CATSPERE: variants seen among roughly 807,000 people sequenced by gnomAD.
The protein encoded by CATSPERE is cation channel sperm-associated auxiliary subunit epsilon.
Under a neutral mutation model 114.1 loss-of-function variants are expected in CATSPERE, and 93 were observed. The observed-to-expected ratio is 0.81, with a 90% confidence interval of 0.69 to 0.97. The LOEUF (loss-of-function observed/expected upper bound fraction) is 0.97, where lower values mean the gene tolerates loss of function less well. Among genes scored for constraint, CATSPERE ranks in the 50% least tolerant of loss-of-function variants. The pLI, the probability that CATSPERE is intolerant of heterozygous loss-of-function variation, is 0.00. For missense variants in CATSPERE, 1,058 were observed against 1,131.6 expected (o/e 0.93, Z 0.93); for synonymous variants, 341 against 384.1 (o/e 0.89, Z 1.31).
chr1:244,567,466 A>G (rs1207610380), intron 10 of CATSPERE, among the ~76,000 whole-genome samples: 4 of 152,230 alleles, frequency 2.6e-5, no homozygotes, highest in African/African-American at 9.6e-5. Flanking sequence ...CATTCTCCCC[A>G]TCACTTTCAG....
At chr1:244,457,457 G>A (rs1451528793), upstream of CATSPERE, 2 of 152,260 alleles carry the variant, frequency 1.3e-5, no homozygotes, top group South Asian at 2.1e-4. Flanking sequence ...AAAAGATAAT[G>A]AAAGGGTTTT....
chr1:244,455,737 G>A (rs1666093210), intron 1 of CATSPERE, among the ~76,000 whole-genome samples: 2 of 152,030 alleles, frequency 1.3e-5, no homozygotes, highest in East Asian at 3.9e-4. Context: ...GAGGCCCTGA[G>A]ATAGCTTCTG....
intron 19 of CATSPERE, among the ~76,000 whole-genome samples, chr1:244,611,387 C>G (rs1160964690): frequency 6.6e-6 from 1 of 151,416 alleles, no homozygotes; most frequent in Non-Finnish European, 1.5e-5. Context: ...CCCAGGAGTT[C>G]AAGACCAGCC....
rs4486436 is a variant in CATSPERE, at chr1:244,551,418, T to C, written c.537-904T>C. On this transcript the variant is annotated intron_variant, in intron 8 of 21. Coordinates refer to ENST00000366534, the MANE Select transcript of CATSPERE (RefSeq NM_001130957.2). ...CCAAAAATTTTAAACAAAACAAGTATTAACTCCAGGAAAATTTATGTATAT... is the reference window on the plus strand; with the variant it reads ...CCAAAAATTTTAAACAAAACAAGTACTAACTCCAGGAAAATTTATGTATAT... Among the ~76,000 whole-genome samples the C allele has an allele frequency of 5.5e-3, 836 of 152,288 alleles. 9 individuals carry two copies. Among genetic ancestry groups the C allele is most frequent in the African/African-American group, 0.018 (753 of 41,544 alleles).
At chr1:244,626,272 G>T (rs1558620663) in intron 20 of CATSPERE, among the ~76,000 whole-genome samples, 1 of 151,804 alleles carries the variant, frequency 6.6e-6, no homozygotes, top group Admixed American at 6.6e-5. Flanking sequence ...GGTCGCCTGG[G>T]ATCAGGAGTT....
In CATSPERE at chr1:244,477,709, A is replaced by C. The variant is rs928661621; in HGVS notation, c.188+95A>C. On this transcript the variant is annotated intron_variant, in intron 3 of 21. Coordinates refer to ENST00000366534, the MANE Select transcript of CATSPERE (RefSeq NM_001130957.2). ...AGATTCAAGGCTGTGATTTAATATA[A>C]ATTTTCTTTCATTAAGTAGATGTGA... is the stretch of plus-strand genomic sequence containing the variant. 6.5e-5 allele frequency: 69 copies of C among 1,059,078 alleles called. 1 individual carries two copies. Among genetic ancestry groups the C allele is most frequent in the Admixed American group, 1.8e-4 (8 of 44,576 alleles). 65.6% of individuals were successfully genotyped at this position (1,059,078 alleles called of 1,614,324 possible).
rs747921082 is a variant in CATSPERE at position 244,510,835 on chromosome 1, CTTTTTT to C, written c.430-7737_430-7732del. Among the ~76,000 whole-genome samples the C allele has an allele frequency of 1.2e-4, 6 of 48,320 alleles. No individual in the cohort carries two copies. In the Admixed American group the frequency reaches 1.3e-3, roughly 11 times the overall value. The allele number at this position is 48,320 out of a possible 152,430, so 31.7% of individuals were successfully genotyped here. A position where few individuals can be genotyped will look rare whatever the true frequency, so the allele number is the denominator to read the frequency against. On this transcript the variant is annotated intron_variant, in intron 7 of 21. Coordinates refer to ENST00000366534, the MANE Select transcript of CATSPERE (RefSeq NM_001130957.2). ...TTCTTTTTTTTTTCTTTTTCTTTTT[CTTTTTT>C]TTTTTTTTTTTTTTTTTTTGAGACA...
chr1:244,481,883 A>G (rs940415196), intron 5 of CATSPERE, among the ~76,000 whole-genome samples: 2 of 152,306 alleles, frequency 1.3e-5, no homozygotes, highest in Non-Finnish European at 2.9e-5. Flanking sequence ...CACCCAGTCT[A>G]TGGTATTTTT....
At chr1:244,625,754 AC>A (rs1176705929) in intron 20 of CATSPERE, among the ~76,000 whole-genome samples, 5 of 149,938 alleles carry the variant, frequency 3.3e-5, no homozygotes, top group African/African-American at 9.8e-5. Flanking sequence ...TTATTTATTT[AC>A]TTTACTTTTT....
At position 244,463,957 on chromosome 1, in the gene CATSPERE, G is replaced by GT; in HGVS notation, c.114+2dup. The stretch of plus-strand genomic sequence containing the variant: ...TCGCATTTTTAGTACCAGAAGTACT[G>GT]TAAGTGTTGAATTTTTAATAAACTA... On this transcript the variant is annotated splice_donor_variant, in intron 2 of 21. Transcript: ENST00000366534. LOFTEE classifies it high-confidence loss of function. The GT allele has an allele frequency of 6.3e-7, 1 of 1,593,526 alleles. No individual in the cohort carries two copies. Among genetic ancestry groups the GT allele is most frequent in the Non-Finnish European group, 8.6e-7 (1 of 1,162,090 alleles).
intron 11 of CATSPERE, among the ~76,000 whole-genome samples, chr1:244,580,254 T>G (rs1162833288): frequency 6.7e-6 from 1 of 148,732 alleles, no homozygotes; most frequent in Non-Finnish European, 1.5e-5. Flanking sequence ...GGTTTCACCA[T>G]GTTGGCCAAG....
chr1:244,464,172 A>T (rs1176572800), intron 2 of CATSPERE, among the ~76,000 whole-genome samples: 3 of 152,122 alleles, frequency 2.0e-5, no homozygotes, highest in African/African-American at 7.2e-5. Flanking sequence ...TGTTTTCGTG[A>T]TTCACTGTTC....
intron 19 of CATSPERE, among the ~76,000 whole-genome samples, chr1:244,613,902 T>G (rs140768215): frequency 2.0e-4 from 31 of 152,260 alleles, no homozygotes; most frequent in African/African-American, 7.5e-4. Context: ...CATTCATAGA[T>G]TAGTGGATTA....
intron 13 of CATSPERE, among the ~76,000 whole-genome samples, chr1:244,586,699 G>C (rs953448149): frequency 5.9e-5 from 9 of 152,136 alleles, no homozygotes; most frequent in Non-Finnish European, 1.0e-4. Context: ...CTTCTTATAC[G>C]GTAGGGAGTA....
chr1:244,639,927 G>C lies in CATSPERE; in HGVS notation c.2703-1G>C. 6.5e-7 allele frequency: 1 copy of C among 1,529,436 alleles called. No homozygotes were observed. The highest frequency in any genetic ancestry group is 8.8e-7 in the Non-Finnish European group (1 of 1,140,270). 94.7% of individuals were successfully genotyped at this position (1,529,436 alleles called of 1,614,324 possible). On this transcript the variant is annotated splice_acceptor_variant, in intron 21 of 21. Coordinates refer to ENST00000366534, the MANE Select transcript of CATSPERE (RefSeq NM_001130957.2). LOFTEE classifies it high-confidence loss of function. ...CCTTTTTTTTTTTTTTCTGATTTCA[G>C]TCCAAGTGTCTACCTGGTAGCTTCT...
intron 7 of CATSPERE, among the ~76,000 whole-genome samples, chr1:244,500,635 G>A (rs1305281614): frequency 6.6e-6 from 1 of 152,130 alleles, no homozygotes; most frequent in African/African-American, 2.4e-5. Flanking sequence ...TGTCAGGTTT[G>A]TCGAAGATCA....
chr1:244,460,948 G>A (rs572195021), upstream of CATSPERE, among the ~76,000 whole-genome samples: 1 of 152,296 alleles, frequency 6.6e-6, no homozygotes, highest in Non-Finnish European at 1.5e-5. Flanking sequence ...CACTTATGGC[G>A]TGCCTGCTCC....
intron 2 of CATSPERE, among the ~76,000 whole-genome samples, chr1:244,471,428 A>G (rs1299608224): frequency 6.6e-6 from 1 of 152,226 alleles, no homozygotes; most frequent in Non-Finnish European, 1.5e-5. Context: ...TTTTAAGCAT[A>G]TAGTTTGATG....
At chr1:244,545,752 C>T (rs1336496103) in intron 8 of CATSPERE, among the ~76,000 whole-genome samples, 1 of 152,174 alleles carries the variant, frequency 6.6e-6, no homozygotes, top group Admixed American at 6.5e-5. Flanking sequence ...ACATGCACAG[C>T]AACACAATAC....
Sources: gnomAD v4.1 joint callset for allele counts (sites outside exome capture counted in the v4.1 genomes callset) on GRCh38, gnomAD v4.1.1 for gene constraint, MANE v1.5 for transcripts, NCBI Gene and HGNC (gene_info 2026-07-23, HGNC 2026-07-21) for gene names.